Variants in DIP2B observed in about 807,000 individuals in gnomAD.
DIP2B encodes the protein disco-interacting protein 2 homolog B.
In DIP2B, 76 loss-of-function variants were observed where a neutral mutation model predicts 198.0. The ratio of observed to expected loss-of-function variants is 0.38; its 90% CI spans 0.32 to 0.46. The LOEUF is 0.46. Ranked by LOEUF, DIP2B falls within the 20% of genes least tolerant of loss-of-function variation. The pLI, the probability that DIP2B is intolerant of heterozygous loss-of-function variation, is 0.99. For missense variants in DIP2B, 1,559 were observed against 1,978.4 expected (o/e 0.79, Z 4.02); for synonymous variants, 701 against 739.1 (o/e 0.95, Z 0.84).
At chr12:50,664,032 G>C (rs776480748) in intron 4 of DIP2B, among the ~76,000 whole-genome samples, 1 of 152,058 alleles carries the variant, frequency 6.6e-6, no homozygotes. Context: ...TTGGGTCAAG[G>C]CTGTCACTCT....
intron 1 of DIP2B, among the ~76,000 whole-genome samples, chr12:50,579,626 A>G (rs1958697066): frequency 1.0e-4 from 3 of 30,000 alleles, no homozygotes; most frequent in East Asian, 8.7e-4. Context: ...AAAAAAAAAA[A>G]AAAAAAAAAA....
chr12:50,587,782 A>G (rs1474570210), intron 1 of DIP2B, among the ~76,000 whole-genome samples: 3 of 151,692 alleles, frequency 2.0e-5, no homozygotes, highest in Non-Finnish European at 4.4e-5. Context: ...TCTCTCTTCC[A>G]CTCTTCCCAC....
intron 29 of DIP2B, 25 bp from the exon 30 acceptor site, chr12:50,728,523 C>G (rs770237844): frequency 1.2e-6 from 2 of 1,611,248 alleles, no homozygotes; most frequent in East Asian, 4.5e-5. Context: ...CAGTCCCAGC[C>G]TGTTCCATTT....
intron 1 of DIP2B, among the ~76,000 whole-genome samples, chr12:50,522,032 G>T (rs555947010): frequency 1.3e-5 from 2 of 151,278 alleles, no homozygotes; most frequent in South Asian, 4.2e-4. Context: ...ATAGAGTCTT[G>T]CTCTGTCACC....
intron 3 of DIP2B, among the ~76,000 whole-genome samples, chr12:50,647,059 G>C (rs1365388026): frequency 1.6e-5 from 2 of 124,056 alleles, no homozygotes; most frequent in African/African-American, 5.9e-5. Flanking sequence ...TTTGGGGGGA[G>C]GGGGGTGGGG....
chr12:50,670,406 AT>A (rs1429010847), intron 4 of DIP2B, among the ~76,000 whole-genome samples: 1 of 151,664 alleles, frequency 6.6e-6, no homozygotes, highest in African/African-American at 2.4e-5. Flanking sequence ...TTTGGCACGT[AT>A]GTTTTTTGTT....
chr12:50,576,815 C>T (rs1958666240), intron 1 of DIP2B, among the ~76,000 whole-genome samples: 1 of 151,960 alleles, frequency 6.6e-6, no homozygotes, highest in African/African-American at 2.4e-5. Context: ...TAGGCTGCAT[C>T]TTTTCTAGGT....
chr12:50,509,792 G>T (rs191339336), intron 1 of DIP2B, among the ~76,000 whole-genome samples: 2 of 152,192 alleles, frequency 1.3e-5, no homozygotes, highest in East Asian at 3.8e-4. Flanking sequence ...GGGAAACGGG[G>T]CCACTTATCC....
chr12:50,666,645 AG>A lies in DIP2B; in HGVS notation c.428-4539del, dbSNP rs1938758761. On this transcript the variant is annotated intron_variant, in intron 4 of 37. Transcript: ENST00000301180. Reference sequence around the variant, plus strand: ...AATGATAAAACCTTGGGCCCATCTAAGGTTGCAAGCTGGAATTAAGATCCCT... The same window carrying A: ...AATGATAAAACCTTGGGCCCATCTAAGTTGCAAGCTGGAATTAAGATCCCT... Among the ~76,000 whole-genome samples the A allele has an allele frequency of 2.6e-5, 4 of 152,148 alleles. No individual in the cohort carries two copies. In the South Asian group the frequency reaches 8.3e-4, roughly 32 times the overall value.
chr12:50,634,510 T>C (rs1938121620), intron 2 of DIP2B, among the ~76,000 whole-genome samples: 1 of 152,154 alleles, frequency 6.6e-6, no homozygotes, highest in African/African-American at 2.4e-5. Context: ...CAAATACTGT[T>C]TCGACACCAA....
chr12:50,640,629 C>T, intron 2 of DIP2B, 95 bp from the exon 3 acceptor site: 1 of 1,371,076 alleles, frequency 7.3e-7, no homozygotes, highest in Non-Finnish European at 1.0e-6. Context: ...GGTAATAGTA[C>T]CTAGCTCAGA....
chr12:50,742,394 CAAAAAAA>C (rs59566626), intron 37 of DIP2B, among the ~76,000 whole-genome samples: 15,436 of 46,566 alleles, frequency 0.33, 1,311 homozygotes, highest in Middle Eastern at 0.43. Context: ...GAGACTGTCT[CAAAAAAA>C]AAAAAAAAAA....
At chr12:50,598,603 C>T (rs1958898756) in intron 1 of DIP2B, among the ~76,000 whole-genome samples, 1 of 151,878 alleles carries the variant, frequency 6.6e-6, no homozygotes, top group South Asian at 2.1e-4. Flanking sequence ...TACAAAGCAG[C>T]CTGCTCTCCT....
At position 50,686,536 on chromosome 12, in the gene DIP2B, C is replaced by T. The variant is rs201191459; in HGVS notation, c.1442-37C>T. 721 of 1,595,056 alleles carry T rather than the reference C, an allele frequency of 4.5e-4. 8 individuals carry two copies. In the Admixed American group the frequency reaches 0.012, roughly 26 times the overall value. ...TCAGTGTGAATTCATTCCCTGATGG[C>T]TTAGGCAATTCAATTTTCACTTTGG... On this transcript the variant is annotated intron_variant, in intron 11 of 37. Coordinates refer to ENST00000301180, the MANE Select transcript of DIP2B (RefSeq NM_173602.3).
intron 1 of DIP2B, among the ~76,000 whole-genome samples, chr12:50,511,291 ATTTT>A (rs71083581): frequency 1.7e-4 from 11 of 64,664 alleles, no homozygotes; most frequent in South Asian, 7.7e-4. Flanking sequence ...TGTGATTTCT[ATTTT>A]TTTTTTTTTT....
chr12:50,554,055 A>T (rs929475645), intron 1 of DIP2B, among the ~76,000 whole-genome samples: 1 of 152,178 alleles, frequency 6.6e-6, no homozygotes, highest in East Asian at 1.9e-4. Context: ...AAGTAATTTT[A>T]TAAGTCGTCA....
chr12:50,584,634 C>T (rs1958754655), intron 1 of DIP2B, among the ~76,000 whole-genome samples: 1 of 152,136 alleles, frequency 6.6e-6, no homozygotes, highest in Non-Finnish European at 1.5e-5. Context: ...TGTGATCTCA[C>T]CTCACTACAA....
chr12:50,617,108 C>A (rs1363379661), intron 1 of DIP2B, among the ~76,000 whole-genome samples: 2 of 151,754 alleles, frequency 1.3e-5, no homozygotes, highest in East Asian at 3.9e-4. Flanking sequence ...AAGATGTTGG[C>A]CATATTCTAT....
intron 1 of DIP2B, among the ~76,000 whole-genome samples, chr12:50,520,555 C>A (rs542203444): frequency 6.6e-6 from 1 of 152,006 alleles, no homozygotes; most frequent in Non-Finnish European, 1.5e-5. Flanking sequence ...TTCCATAGTT[C>A]TTTGCTTGTT....
Sources: allele counts gnomAD v4.1 joint callset (sites outside exome capture counted in the v4.1 genomes callset), GRCh38; gene constraint gnomAD v4.1.1; transcripts MANE v1.5; gene names NCBI Gene and HGNC (gene_info 2026-07-23, HGNC 2026-07-21).